The following KDM5A variants were observed in gnomAD, a reference collection of about 807,000 sequenced individuals.
The protein encoded by KDM5A is lysine demethylase 5A.
Under a neutral mutation model 193.5 loss-of-function variants are expected in KDM5A, and 42 were observed. That is an observed-to-expected ratio of 0.22 (90% CI 0.17 to 0.28). KDM5A has a LOEUF of 0.28. Among genes scored for constraint, KDM5A ranks in the 10% least tolerant of loss-of-function variants. The pLI, the probability that KDM5A is intolerant of heterozygous loss-of-function variation, is 1.00. For synonymous variants in KDM5A, 796 were observed against 718.1 expected (o/e 1.11, Z -1.73); for missense variants, 1,692 against 2,055.1 (o/e 0.82, Z 3.42).
intron 22 of KDM5A, 23 bp downstream of exon 22, chr12:309,780 C>G (rs749503083): frequency 7.4e-6 from 12 of 1,613,326 alleles, no homozygotes; most frequent in Non-Finnish European, 1.0e-5. Context: ...CAAGCAAACT[C>G]AAGATGCTAG....
Position 285,384 on chromosome 12 carries a change from A to G in KDM5A, c.*72T>C. On this transcript the variant is annotated 3_prime_UTR_variant, in exon 28 of 28. Coordinates refer to ENST00000399788, the MANE Select transcript of KDM5A (RefSeq NM_001042603.3). ...GAAGCAACATTCCAAGTGGATATAA[A>G]CCACTCTACTTGATGACTAAGGTCT... is the stretch of plus-strand genomic sequence containing the variant. 2 of 1,332,892 alleles carry G rather than the reference A, an allele frequency of 1.5e-6. No homozygotes were observed. Among genetic ancestry groups the G allele is most frequent in the Middle Eastern group, 2.0e-4 (1 of 5,124 alleles). The allele number at this position is 1,332,892 out of a possible 1,614,324, so 82.6% of individuals were successfully genotyped here.
chr12:303,250 T>C (rs1194929417), intron 24 of KDM5A, among the ~76,000 whole-genome samples: 3 of 152,158 alleles, frequency 2.0e-5, no homozygotes, highest in Non-Finnish European at 2.9e-5. Flanking sequence ...CAGCAAAGAC[T>C]TGGAACCAGC....
At chr12:356,577 G>T in intron 5 of KDM5A, 40 bp from the exon 6 acceptor site, 1 of 1,233,202 alleles carries the variant, frequency 8.1e-7, no homozygotes, top group Non-Finnish European at 1.2e-6. Flanking sequence ...TAATCATGCT[G>T]ATTCATGCAT....
At chr12:290,705 T>C (rs2137361841) in intron 27 of KDM5A, among the ~76,000 whole-genome samples, 1 of 141,776 alleles carries the variant, frequency 7.1e-6, no homozygotes, top group Non-Finnish European at 1.5e-5. Flanking sequence ...ATTTGACAAT[T>C]TCATAGCAAA....
Position 307,591 on chromosome 12 carries a change from C to T in KDM5A, c.3793G>A (p.Ala1265Thr). 6.2e-7 allele frequency: 1 copy of T among 1,614,148 alleles called. No homozygotes were observed. The highest frequency in any genetic ancestry group is 8.5e-7 in the Non-Finnish European group (1 of 1,180,024). ...AGGGCAGAGGATAGTTCATCTGTGG[C>T]TAGAGCCTGCCGCGCTCTATCTTGC... ...SWQDRARQAL[A>T]TDELSSALAK... The change falls in exon 23 of 28, where the codon GCC (alanine) becomes ACC (threonine). Residue 1265 changes from alanine (A) to threonine (T), a missense_variant. Physicochemically the swap from Ala to Thr is moderately conservative, Grantham distance 58 (BLOSUM62 0). Coordinates refer to ENST00000399788, the MANE Select transcript of KDM5A (RefSeq NM_001042603.3). This position sits in a 1 kb window ranked among gnomAD's most constrained non-coding sequence, Gnocchi z 4.3.
At chr12:373,708 T>C (rs1312056382) in intron 3 of KDM5A, among the ~76,000 whole-genome samples, 2 of 152,254 alleles carry the variant, frequency 1.3e-5, no homozygotes, top group African/African-American at 2.4e-5. Context: ...CTTTCTCTTG[T>C]GGGCATTTAG....
At chr12:371,825 A>T (rs1944431502) in intron 3 of KDM5A, among the ~76,000 whole-genome samples, 1 of 152,218 alleles carries the variant, frequency 6.6e-6, no homozygotes, top group Non-Finnish European at 1.5e-5. Context: ...ACATATGGCT[A>T]GCCAGTTTTC....
intron 24 of KDM5A, among the ~76,000 whole-genome samples, chr12:298,643 C>T (rs1399424846): frequency 6.6e-6 from 1 of 152,114 alleles, no homozygotes; most frequent in African/African-American, 2.4e-5. Flanking sequence ...GCCTCTTCTC[C>T]TCCAGAGGAT....
intron 2 of KDM5A, 105 bp from the exon 3 acceptor site, chr12:384,258 G>T: frequency 4.7e-6 from 4 of 853,398 alleles, no homozygotes; most frequent in African/African-American, 1.7e-5. Context: ...CCCATCAGCG[G>T]CCTGTTAGGA....
intron 5 of KDM5A, 110 bp downstream of exon 5, chr12:362,853 G>A: frequency 2.0e-6 from 2 of 983,006 alleles, no homozygotes; most frequent in Non-Finnish European, 3.2e-6. Context: ...CAATACTCAA[G>A]AGGCGGAGGC....
At chr12:356,640 A>T in intron 5 of KDM5A, 103 bp from the exon 6 acceptor site, 1 of 750,360 alleles carries the variant, frequency 1.3e-6, no homozygotes, top group Non-Finnish European at 2.3e-6. Context: ...CGGAAGAACA[A>T]ATTATTGGAT....
chr12:323,165 C>A lies in KDM5A; in HGVS notation c.2192G>T (p.Gly731Val). Reference protein sequence around the residue: ...PLEDLPSLLYGVKVRAQSYDT... With the variant: ...PLEDLPSLLYVVKVRAQSYDT... ...ATAGGACTGTGCCCTGACTTTTACA[C>A]CATATAGCAGAGAAGGGAGGTCTTC... Residue 731 changes from glycine to valine, a missense_variant, in exon 16 of 28, where the codon GGT becomes GTT. Transcript: ENST00000399788. The A allele has an allele frequency of 7.3e-7, 1 of 1,378,778 alleles. No homozygotes were observed. The highest frequency in any genetic ancestry group is 9.6e-7 in the Non-Finnish European group (1 of 1,040,514). The allele number at this position is 1,378,778 out of a possible 1,614,324, so 85.4% of individuals were successfully genotyped here. A position where few individuals can be genotyped will look rare whatever the true frequency, so the allele number is the denominator to read the frequency against.
rs1943156638 is a variant in KDM5A at position 281,800 on chromosome 12, C to T, written c.*3656G>A. ...TTCATCCTCCTACTGTAAGTACTGG[C>T]TGATATTCACACACATGTACTACAG... On this transcript the variant is annotated 3_prime_UTR_variant, in exon 28 of 28. Coordinates refer to ENST00000399788, the MANE Select transcript of KDM5A (RefSeq NM_001042603.3). The T allele has an allele frequency of 4.2e-6, 1 of 236,724 alleles. No homozygotes were observed. Among genetic ancestry groups the T allele is most frequent in the Admixed American group, 5.6e-5 (1 of 17,800 alleles). 14.7% of individuals were successfully genotyped at this position (236,724 alleles called of 1,614,324 possible). A position where few individuals can be genotyped will look rare whatever the true frequency, so the allele number is the denominator to read the frequency against.
chr12:326,004 A>G (rs1943778596), intron 14 of KDM5A, among the ~76,000 whole-genome samples: 1 of 152,220 alleles, frequency 6.6e-6, no homozygotes, highest in Admixed American at 6.5e-5. Context: ...GCAGAGTGAG[A>G]TTCCATCTCA....
intron 24 of KDM5A, among the ~76,000 whole-genome samples, chr12:305,238 A>C (rs1943490076): frequency 6.6e-6 from 1 of 152,184 alleles, no homozygotes; most frequent in South Asian, 2.1e-4. Context: ...CAAAACTTTC[A>C]AAACTGAAAA....
intron 3 of KDM5A, among the ~76,000 whole-genome samples, chr12:383,418 T>G (rs1480591703): frequency 6.6e-6 from 1 of 152,040 alleles, no homozygotes; most frequent in East Asian, 1.9e-4. Context: ...GGTTTCACCA[T>G]GTTGCCTGGG....
intron 5 of KDM5A, among the ~76,000 whole-genome samples, chr12:359,817 G>T (rs577985155): frequency 6.7e-6 from 1 of 148,334 alleles, no homozygotes; most frequent in South Asian, 2.2e-4. Context: ...GAGGGAGAAG[G>T]GAGGCAAGGA....
At chr12:331,128 A>C (rs559748179) in intron 13 of KDM5A, among the ~76,000 whole-genome samples, 3 of 152,202 alleles carry the variant, frequency 2.0e-5, no homozygotes, top group African/African-American at 7.2e-5. Context: ...AAAATCACCT[A>C]GTTGTCTATC....
At position 283,879 on chromosome 12, in the gene KDM5A, T is replaced by C. The variant is rs1047694809; in HGVS notation, c.*1577A>G. On this transcript the variant is annotated 3_prime_UTR_variant, in exon 28 of 28. Coordinates refer to ENST00000399788, the MANE Select transcript of KDM5A (RefSeq NM_001042603.3). ...AAGAGTTTACATACAGCTTACCTAATACCTTAAGAAGAACAGAGAACACAA... is the reference window on the plus strand; with the variant it reads ...AAGAGTTTACATACAGCTTACCTAACACCTTAAGAAGAACAGAGAACACAA... 2.6e-5 allele frequency: 6 copies of C among 232,766 alleles called. No homozygotes were observed. The highest frequency in any genetic ancestry group is 4.2e-5 in the Non-Finnish European group (5 of 117,832). The allele number at this position is 232,766 out of a possible 1,614,324, so 14.4% of individuals were successfully genotyped here. A position where few individuals can be genotyped will look rare whatever the true frequency, so the allele number is the denominator to read the frequency against.
Sources: gnomAD v4.1 joint callset for allele counts (sites outside exome capture counted in the v4.1 genomes callset) on GRCh38, gnomAD v4.1.1 for gene constraint, Gnocchi (gnomAD v3.1) non-coding constraint, MANE v1.5 for transcripts, NCBI Gene and HGNC (gene_info 2026-07-23, HGNC 2026-07-21) for gene names.